Variants in CLNK observed in about 807,000 individuals in gnomAD.
CLNK encodes cytokine-dependent hematopoietic cell linker.
A neutral mutation model predicts 68.6 loss-of-function variants in CLNK; 74 were observed. The ratio of observed to expected loss-of-function variants is 1.08; its 90% CI spans 0.89 to 1.31. The LOEUF is 1.31. Among genes scored for constraint, CLNK ranks in the 50% most tolerant of loss-of-function variants. The pLI, the probability that CLNK is intolerant of heterozygous loss-of-function variation, is 0.00. For synonymous variants in CLNK, 198 were observed against 172.2 expected (o/e 1.15, Z -1.17); for missense variants, 553 against 515.3 (o/e 1.07, Z -0.71).
At chr4:10,522,132 C>G (rs1290036594) in intron 14 of CLNK, among the ~76,000 whole-genome samples, 1 of 151,806 alleles carries the variant, frequency 6.6e-6, no homozygotes, top group East Asian at 1.9e-4. Flanking sequence ...GTGGTGGGCA[C>G]CTGTAGTCCC....
intron 18 of CLNK, among the ~76,000 whole-genome samples, chr4:10,496,794 T>C (rs1414263273): frequency 9.2e-5 from 14 of 152,184 alleles, no homozygotes; most frequent in Non-Finnish European, 7.3e-5. Context: ...AATGACTTTG[T>C]AACTTTACTT....
At position 10,542,108 on chromosome 4, in the gene CLNK, T is replaced by G. The variant is rs1315573463; in HGVS notation, c.472-67A>C. The G allele has an allele frequency of 1.0e-5, 14 of 1,382,240 alleles. No homozygotes were observed. In the East Asian group the frequency reaches 3.2e-4, roughly 32 times the overall value. 85.6% of individuals were successfully genotyped at this position (1,382,240 alleles called of 1,614,324 possible). ...GTGAGCAGGGCCAATGGCTAACAGT[T>G]TTTTGGTTTACAAATAGAAATTACA... On this transcript the variant is annotated intron_variant, in intron 9 of 18. Coordinates refer to ENST00000226951, the MANE Select transcript of CLNK (RefSeq NM_052964.4).
At chr4:10,627,543 A>G (rs529282799) in intron 2 of CLNK, among the ~76,000 whole-genome samples, 1 of 152,340 alleles carries the variant, frequency 6.6e-6, no homozygotes, top group East Asian at 1.9e-4. Flanking sequence ...ACTTGGAACC[A>G]TGACTGGAGC....
chr4:10,549,692 G>A (rs1255436150), intron 8 of CLNK, among the ~76,000 whole-genome samples: 1 of 152,190 alleles, frequency 6.6e-6, no homozygotes, highest in Non-Finnish European at 1.5e-5. Context: ...TGAAAAATTA[G>A]AGGGAAAACG....
chr4:10,501,822 G>T lies in CLNK; in HGVS notation c.985-411C>A, dbSNP rs139177604. The stretch of plus-strand genomic sequence containing the variant: ...GGCGCCTGTAATCCCAGCTACTCAG[G>T]AGGCTGAGGCAGGAGAATCACTTGA... On this transcript the variant is annotated intron_variant, in intron 17 of 18. Transcript: ENST00000226951. Among the ~76,000 whole-genome samples, 548 of 152,326 alleles carry T rather than the reference G, an allele frequency of 3.6e-3. 24 individuals are homozygous for T. In the East Asian group the frequency reaches 0.088, roughly 24 times the overall value.
intron 2 of CLNK, among the ~76,000 whole-genome samples, chr4:10,599,301 T>A (rs899704599): frequency 7.2e-5 from 11 of 152,196 alleles, no homozygotes; most frequent in African/African-American, 2.7e-4. Context: ...AGGCTCTCTC[T>A]TCATCTGGGA....
chr4:10,663,878 C>T (rs1014551650), intron 2 of CLNK, among the ~76,000 whole-genome samples: 2 of 152,054 alleles, frequency 1.3e-5, no homozygotes, highest in African/African-American at 4.8e-5. Context: ...AAAAGAGGTC[C>T]CAGAGACATT....
At chr4:10,672,580 G>A (rs543418473) in intron 1 of CLNK, among the ~76,000 whole-genome samples, 92 of 152,218 alleles carry the variant, frequency 6.0e-4, no homozygotes, top group African/African-American at 2.2e-3. Flanking sequence ...AGATGCTTAG[G>A]TAAGCATTTT....
intron 2 of CLNK, among the ~76,000 whole-genome samples, chr4:10,608,130 C>T (rs752441446): frequency 5.3e-5 from 8 of 152,172 alleles, no homozygotes; most frequent in Non-Finnish European, 1.0e-4. Flanking sequence ...ATCTTTCTCC[C>T]GGACCCCTGC....
chr4:10,572,465 CA>C (rs1179699786), intron 4 of CLNK, among the ~76,000 whole-genome samples: 88 of 152,316 alleles, frequency 5.8e-4, no homozygotes, highest in African/African-American at 2.0e-3. Context: ...TCAGATTATG[CA>C]AAATCACTGC....
chr4:10,700,920 A>C, the CLNK span, among the ~76,000 whole-genome samples: 4 of 152,218 alleles, frequency 2.6e-5, no homozygotes, highest in Admixed American at 6.5e-5. Flanking sequence ...TTTTGTATTC[A>C]AAAATAAAAT....
the CLNK span, among the ~76,000 whole-genome samples, chr4:10,690,654 C>T: frequency 6.6e-6 from 1 of 152,202 alleles, no homozygotes; most frequent in Admixed American, 6.5e-5. Context: ...GTGCTAGGCA[C>T]TTTGCATAAA....
intron 2 of CLNK, among the ~76,000 whole-genome samples, chr4:10,607,381 A>G (rs1721830190): frequency 6.6e-6 from 1 of 152,194 alleles, no homozygotes; most frequent in African/African-American, 2.4e-5. Flanking sequence ...TGGCCATAGT[A>G]CAATCTCTCT....
intron 12 of CLNK, among the ~76,000 whole-genome samples, chr4:10,529,025 G>T (rs1301530114): frequency 6.6e-6 from 1 of 152,130 alleles, no homozygotes; most frequent in Admixed American, 6.5e-5. Flanking sequence ...GAAGCAAAAA[G>T]CATTACAGTA....
chr4:10,702,545 A>AAGCACTAAC, the CLNK span, among the ~76,000 whole-genome samples: 15 of 152,244 alleles, frequency 9.9e-5, no homozygotes, highest in African/African-American at 3.6e-4. Flanking sequence ...ATCTGGGTAG[A>AAGCACTAAC]AGCACTAACT....
At chr4:10,535,228 A>AAAGAAAG (rs1553847874) in intron 11 of CLNK, among the ~76,000 whole-genome samples, 2 of 82,388 alleles carry the variant, frequency 2.4e-5, no homozygotes, top group African/African-American at 4.9e-5. Context: ...AGAAAGAAAG[A>AAAGAAAG]AAGAAAGAAA....
At chr4:10,541,221 A>AC (rs1491447134) in intron 10 of CLNK, among the ~76,000 whole-genome samples, 1 of 26,918 alleles carries the variant, frequency 3.7e-5, no homozygotes, top group East Asian at 5.8e-4. Flanking sequence ...CAAAAAAAAA[A>AC]CAAAAAAAAA....
At chr4:10,710,052 T>A in the CLNK span, among the ~76,000 whole-genome samples, 1 of 152,248 alleles carries the variant, frequency 6.6e-6, no homozygotes, top group Non-Finnish European at 1.5e-5. Context: ...GCATTATTGA[T>A]AACTGATATG....
intron 3 of CLNK, among the ~76,000 whole-genome samples, chr4:10,587,977 ATT>A (rs1171911339): frequency 6.6e-6 from 1 of 152,172 alleles, no homozygotes; most frequent in African/African-American, 2.4e-5. Context: ...GGAGCAAATC[ATT>A]TATCGACGGC....
Sources: gnomAD v4.1 joint callset for allele counts (sites outside exome capture counted in the v4.1 genomes callset) on GRCh38, gnomAD v4.1.1 for gene constraint, MANE v1.5 for transcripts, NCBI Gene and HGNC (gene_info 2026-07-23, HGNC 2026-07-21) for gene names.